The following DRC8 variants were observed in gnomAD, a reference collection of about 807,000 sequenced individuals.
The protein encoded by DRC8 is dynein regulatory complex subunit 8.
the DRC8 span, among the ~76,000 whole-genome samples, chr1:245,062,768 G>C: frequency 6.6e-6 from 1 of 152,140 alleles, no homozygotes; most frequent in South Asian, 2.1e-4. Flanking sequence ...ACCTTTGTTG[G>C]CTCCACATCT....
chr1:245,010,047 G>C, the DRC8 span, among the ~76,000 whole-genome samples: 2 of 151,940 alleles, frequency 1.3e-5, no homozygotes, highest in African/African-American at 4.8e-5. Flanking sequence ...TTTTAGTAGA[G>C]ACAGGGTTTC....
the DRC8 span, chr1:245,123,286 G>A: frequency 2.0e-5 from 3 of 152,058 alleles, no homozygotes; most frequent in South Asian, 2.1e-4. The surrounding 1 kb of genome is among the most constrained non-coding windows in gnomAD (Gnocchi z 5.0). Context: ...TGGAAGAGAC[G>A]TCTCGTCTAC....
the DRC8 span, among the ~76,000 whole-genome samples, chr1:244,993,380 G>A: frequency 1.3e-5 from 2 of 152,172 alleles, no homozygotes; most frequent in Admixed American, 6.5e-5. Context: ...AGCCATTACA[G>A]CATCAGCTCA....
the DRC8 span, among the ~76,000 whole-genome samples, chr1:244,994,324 C>T: frequency 2.0e-5 from 3 of 152,114 alleles, no homozygotes; most frequent in Non-Finnish European, 2.9e-5. Context: ...AGGTCTCCCA[C>T]GAATCTTATT....
the DRC8 span, among the ~76,000 whole-genome samples, chr1:245,048,449 A>T: frequency 3.3e-5 from 5 of 152,286 alleles, no homozygotes; most frequent in East Asian, 9.6e-4. Flanking sequence ...TATATGAGGC[A>T]GGGTTTCTGT....
the DRC8 span, among the ~76,000 whole-genome samples, chr1:245,013,756 C>T: frequency 4.0e-5 from 6 of 151,868 alleles, no homozygotes; most frequent in Non-Finnish European, 7.4e-5. Flanking sequence ...CTGGGCCGGG[C>T]GCAGAGGCTC....
chr1:245,033,017 AAACTCT>A, the DRC8 span, among the ~76,000 whole-genome samples: 4 of 152,002 alleles, frequency 2.6e-5, no homozygotes, highest in African/African-American at 9.7e-5. Context: ...AAAAGAAAGC[AAACTCT>A]AGCTTTAGGA....
the DRC8 span, among the ~76,000 whole-genome samples, chr1:244,976,542 G>T: frequency 6.6e-6 from 1 of 152,116 alleles, no homozygotes; most frequent in Non-Finnish European, 1.5e-5. Context: ...TTACAGAAAT[G>T]TCTCAAGAAT....
the DRC8 span, among the ~76,000 whole-genome samples, chr1:245,078,910 G>A: frequency 3.9e-4 from 59 of 152,198 alleles, no homozygotes; most frequent in African/African-American, 1.2e-3. Context: ...TCAAAACATC[G>A]TGTGGCACAC....
At chr1:245,105,545 C>T in the DRC8 span, among the ~76,000 whole-genome samples, 5 of 150,026 alleles carry the variant, frequency 3.3e-5, no homozygotes, top group Admixed American at 2.7e-4. Flanking sequence ...ATAACCTGAG[C>T]CCAGGACATG....
chr1:245,007,151 A>G, the DRC8 span, among the ~76,000 whole-genome samples: 2 of 152,140 alleles, frequency 1.3e-5, no homozygotes, highest in Admixed American at 6.6e-5. Context: ...TTTAATATGA[A>G]GTTGAAACAA....
chr1:245,119,094 C>G, the DRC8 span, among the ~76,000 whole-genome samples: 27 of 152,186 alleles, frequency 1.8e-4, no homozygotes, highest in African/African-American at 6.5e-4. Flanking sequence ...TTCCAGTTTG[C>G]TAGAACCATT....
chr1:245,004,955 C>G, the DRC8 span, among the ~76,000 whole-genome samples: 1 of 152,206 alleles, frequency 6.6e-6, no homozygotes, highest in Non-Finnish European at 1.5e-5. Context: ...GATCAAATCA[C>G]TATTCCTAGT....
At chr1:244,982,296 A>G in the DRC8 span, among the ~76,000 whole-genome samples, 2 of 152,260 alleles carry the variant, frequency 1.3e-5, no homozygotes, top group African/African-American at 4.8e-5. Flanking sequence ...CAAAGCAAGC[A>G]TCAGAACCAG....
chr1:244,978,738 C>T, the DRC8 span, among the ~76,000 whole-genome samples: 1 of 152,194 alleles, frequency 6.6e-6, no homozygotes, highest in African/African-American at 2.4e-5. Flanking sequence ...AATCCTACCA[C>T]CTTGGCCTCC....
chr1:245,040,455 A>G, the DRC8 span, among the ~76,000 whole-genome samples: 12,486 of 152,262 alleles, frequency 0.082, 1,331 homozygotes, highest in African/African-American at 0.24. Context: ...GTCAGAGGAT[A>G]GGACCAATTT....
At chr1:244,989,905 C>G in the DRC8 span, among the ~76,000 whole-genome samples, 3 of 152,302 alleles carry the variant, frequency 2.0e-5, no homozygotes, top group African/African-American at 7.2e-5. Context: ...CAGAAATAAA[C>G]CATTCATTTT....
chr1:244,970,641 G>GCCCCGCCCCGCCCCGCATCTCTC, the DRC8 span: 1 of 82,332 alleles, frequency 1.2e-5, no homozygotes, highest in Admixed American at 1.7e-4. Flanking sequence ...CCGCCGCTCC[G>GCCCCGCCCCGCCCCGCATCTCTC]CCCCGCCCCG....
the DRC8 span, chr1:244,971,113 G>A: frequency 2.0e-5 from 3 of 152,666 alleles, no homozygotes; most frequent in Non-Finnish European, 4.4e-5. Context: ...ACGGTCTGGA[G>A]GTCACAGCCG....
Sources: gnomAD v4.1 joint callset for allele counts (sites outside exome capture counted in the v4.1 genomes callset) on GRCh38, gnomAD v4.1.1 for gene constraint, Gnocchi (gnomAD v3.1) non-coding constraint, MANE v1.5 for transcripts, NCBI Gene and HGNC (gene_info 2026-07-23, HGNC 2026-07-21) for gene names.